Variants in KIR3DL3 observed in about 807,000 individuals in gnomAD.
KIR3DL3 encodes the protein killer cell immunoglobulin-like receptor 3DL3.
A neutral mutation model predicts 34.9 loss-of-function variants in KIR3DL3; 27 were observed. That is an observed-to-expected ratio of 0.77 (90% CI 0.57 to 1.07). The LOEUF is 1.07. KIR3DL3 is among the 50% of genes least tolerant of loss of function. KIR3DL3 has a pLI of 0.00. For missense variants in KIR3DL3, 681 were observed against 528.5 expected (o/e 1.29, Z -2.83); for synonymous variants, 217 against 200.2 (o/e 1.08, Z -0.71).
intron 5 of KIR3DL3, among the ~76,000 whole-genome samples, chr19:54,730,959 G>A (rs1023809608): frequency 2.0e-5 from 3 of 152,144 alleles, no homozygotes; most frequent in Non-Finnish European, 4.4e-5. Flanking sequence ...TCATGGAATT[G>A]CTAGATCCTC....
chr19:54,728,659 G>A (rs1327972328), intron 4 of KIR3DL3, among the ~76,000 whole-genome samples: 5 of 151,998 alleles, frequency 3.3e-5, no homozygotes, highest in African/African-American at 4.8e-5. Flanking sequence ...AGAAAAAGAG[G>A]GCAGAGAAGT....
chr19:54,731,915 C>A (rs1423022869), intron 5 of KIR3DL3, among the ~76,000 whole-genome samples: 12 of 152,124 alleles, frequency 7.9e-5, no homozygotes, highest in African/African-American at 2.4e-4. Flanking sequence ...TAATCCATCT[C>A]AATCTCCCTA....
At chr19:54,732,376 G>A (rs1418622735) in intron 5 of KIR3DL3, among the ~76,000 whole-genome samples, 4 of 151,252 alleles carry the variant, frequency 2.6e-5, no homozygotes, top group African/African-American at 7.3e-5. Context: ...TCAGCCTACC[G>A]AGTAGCTGGG....
rs1156280919 is a variant in KIR3DL3 at position 54,736,067 on chromosome 19, A to G, written c.1204A>G (p.Lys402Glu). The change falls in exon 8 of 8, where the codon AAG becomes GAG. Residue 402 changes from lysine (K) to glutamate (E), a missense_variant. Transcript: ENST00000291860. ...RKITRPSQRP[K>E]TPPTDTSV ...AATCACTCGCCCTTCTCAGAGGCCCAAGACACCCCCAACAGATACCAGCGT... is the reference window on the plus strand; with the variant it reads ...AATCACTCGCCCTTCTCAGAGGCCCGAGACACCCCCAACAGATACCAGCGT... 1.9e-6 allele frequency: 3 copies of G among 1,613,560 alleles called. No homozygotes were observed. The highest frequency in any genetic ancestry group is 1.7e-6 in the Non-Finnish European group (2 of 1,179,976).
intron 5 of KIR3DL3, among the ~76,000 whole-genome samples, chr19:54,730,095 C>T (rs1444020854): frequency 1.3e-5 from 2 of 152,082 alleles, no homozygotes; most frequent in African/African-American, 4.8e-5. Flanking sequence ...CTCAACCTTA[C>T]CCACTTCCCA....
intron 6 of KIR3DL3, among the ~76,000 whole-genome samples, 173 bp downstream of exon 6, chr19:54,735,530 C>T (rs2146889744): frequency 7.4e-6 from 1 of 134,390 alleles, no homozygotes; most frequent in South Asian, 2.6e-4. Context: ...CTTCAGCTCA[C>T]AGACCATTGC....
chr19:54,731,479 C>T (rs1600204410), intron 5 of KIR3DL3, among the ~76,000 whole-genome samples: 3 of 151,536 alleles, frequency 2.0e-5, no homozygotes, highest in Admixed American at 6.6e-5. Context: ...CTCACTCACT[C>T]GTTCAGCCAA....
chr19:54,734,948 C>G (rs957671732), intron 5 of KIR3DL3, among the ~76,000 whole-genome samples: 3 of 142,804 alleles, frequency 2.1e-5, no homozygotes, highest in African/African-American at 8.0e-5. Flanking sequence ...CAGCATTGAT[C>G]TGTTCATGAT....
intron 2 of KIR3DL3, 33 bp downstream of exon 2, chr19:54,725,315 C>A: frequency 6.5e-7 from 1 of 1,529,778 alleles, no homozygotes; most frequent in Non-Finnish European, 8.8e-7. Flanking sequence ...AGGTTGTCAT[C>A]TCCCCACATA....
Position 54,735,283 on chromosome 19 carries a change from G to A in KIR3DL3, c.980G>A (p.Gly327Glu). ...GNSRNLHVLIGTSVVIIPFAI... is the reference protein window; with the variant it reads ...GNSRNLHVLIETSVVIIPFAI... ...TCCAGAAACCTGCACGTTCTGATTGGGACCTCAGTGGTCATCATCCCCTTT... is the reference window on the plus strand; with the variant it reads ...TCCAGAAACCTGCACGTTCTGATTGAGACCTCAGTGGTCATCATCCCCTTT... Residue 327 changes from glycine to glutamate, a missense_variant, in exon 6 of 8, where the codon GGG (glycine) becomes GAG (glutamate). Transcript: ENST00000291860. 1 of 1,526,416 alleles carries A rather than the reference G, an allele frequency of 6.6e-7. No individual in the cohort carries two copies. The highest frequency in any genetic ancestry group is 1.1e-5 in the South Asian group (1 of 87,920). The allele number at this position is 1,526,416 out of a possible 1,614,324, so 94.6% of individuals were successfully genotyped here.
chr19:54,731,287 T>C (rs1190536673), intron 5 of KIR3DL3, among the ~76,000 whole-genome samples: 33 of 152,108 alleles, frequency 2.2e-4, no homozygotes, highest in East Asian at 5.8e-4. Context: ...ATTACAGGCA[T>C]GAACCACTGT....
chr19:54,726,559 G>T (rs1261380586), intron 3 of KIR3DL3, among the ~76,000 whole-genome samples: 1 of 145,430 alleles, frequency 6.9e-6, no homozygotes, highest in East Asian at 2.0e-4. Flanking sequence ...TTATAGGGCA[G>T]GGGACTGAAG....
chr19:54,730,383 A>G (rs1281813067), intron 5 of KIR3DL3, among the ~76,000 whole-genome samples: 15 of 149,832 alleles, frequency 1.0e-4, no homozygotes, highest in Admixed American at 3.4e-4. Context: ...GGGAAAATCC[A>G]TCTGTACTAA....
intron 5 of KIR3DL3, among the ~76,000 whole-genome samples, chr19:54,730,265 A>C (rs1349532988): frequency 6.6e-6 from 1 of 150,672 alleles, no homozygotes; most frequent in African/African-American, 2.4e-5. Context: ...TCATAAATAC[A>C]TTTATAGGCT....
intron 4 of KIR3DL3, 147 bp from the exon 5 acceptor site, chr19:54,729,346 T>G: frequency 3.2e-6 from 3 of 929,238 alleles, no homozygotes; most frequent in South Asian, 3.7e-5. Flanking sequence ...AAGGAGGAAA[T>G]AGACATGAAG....
rs1429213256 is a variant in KIR3DL3 at position 54,729,640 on chromosome 19, C to A, written c.803C>A (p.Ala268Glu). 2.1e-5 allele frequency: 33 copies of A among 1,602,034 alleles called. No individual in the cohort carries two copies. The highest frequency in any genetic ancestry group is 4.5e-5 in the East Asian group (2 of 44,330). The change falls in exon 5 of 8, where the codon GCA becomes GAA. Residue 268 changes from alanine (A) to glutamate (E), a missense_variant. Coordinates refer to ENST00000291860, the MANE Select transcript of KIR3DL3 (RefSeq NM_153443.5). ...EAEAGELRLTAVLRVNGTFQA... is the reference protein window; with the variant it reads ...EAEAGELRLTEVLRVNGTFQA... ...GAGGCCGGTGAACTTAGGCTCACTG[C>A]AGTGCTGAGGGTCAATGGAACATTC...
At chr19:54,730,941 A>T (rs2068723004) in intron 5 of KIR3DL3, among the ~76,000 whole-genome samples, 1 of 152,158 alleles carries the variant, frequency 6.6e-6, no homozygotes, top group South Asian at 2.1e-4. Context: ...CTTTGGGTTT[A>T]CACCCAGTCA....
intron 5 of KIR3DL3, among the ~76,000 whole-genome samples, chr19:54,732,930 G>A (rs1474624587): frequency 2.6e-5 from 4 of 152,104 alleles, no homozygotes; most frequent in African/African-American, 9.7e-5. Context: ...AACAGTGACC[G>A]ACATGAAAAT....
At chr19:54,733,308 G>C (rs1162669461) in intron 5 of KIR3DL3, among the ~76,000 whole-genome samples, 2 of 151,970 alleles carry the variant, frequency 1.3e-5, no homozygotes, top group Non-Finnish European at 2.9e-5. Flanking sequence ...AAGGCGGGTA[G>C]ATCACTTAAG....
Sources: gnomAD v4.1 joint callset for allele counts (sites outside exome capture counted in the v4.1 genomes callset) on GRCh38, gnomAD v4.1.1 for gene constraint, MANE v1.5 for transcripts, NCBI Gene and HGNC (gene_info 2026-07-23, HGNC 2026-07-21) for gene names.